ZRANB3: variants seen among roughly 807,000 people sequenced by gnomAD.
ZRANB3 encodes zinc finger RANBP2-type containing 3.
ZRANB3 carries 125 observed loss-of-function variants against 133.8 expected under a neutral mutation model. That is an observed-to-expected ratio of 0.93 (90% CI 0.81 to 1.08). The LOEUF is 1.08. ZRANB3 is among the 50% of genes least tolerant of loss of function. The pLI is 0.00. For synonymous variants in ZRANB3, 387 were observed against 432.7 expected (o/e 0.89, Z 1.31); for missense variants, 1,229 against 1,275.5 (o/e 0.96, Z 0.56).
chr2:135,270,880 G>A (rs1167009651), intron 10 of ZRANB3, among the ~76,000 whole-genome samples: 1 of 152,226 alleles, frequency 6.6e-6, no homozygotes, highest in Non-Finnish European at 1.5e-5. Flanking sequence ...ATTTTAGAAT[G>A]CTGGCAGAAA....
intron 8 of ZRANB3, among the ~76,000 whole-genome samples, chr2:135,280,747 TAAGAAAGAAAAAA>T (rs1215659896): frequency 6.6e-6 from 1 of 151,500 alleles, no homozygotes; most frequent in Non-Finnish European, 1.5e-5. Context: ...AAACAAATAA[TAAGAAAGAAAAAA>T]AAGAAAGACA....
At position 135,340,326 on chromosome 2, in the gene ZRANB3, G is replaced by A. The variant is rs113321571; in HGVS notation, c.677+5224C>T. Among the ~76,000 whole-genome samples, 453 of 151,914 alleles carry A rather than the reference G, an allele frequency of 3.0e-3. 3 individuals carry two copies. Among genetic ancestry groups the A allele is most frequent in the African/African-American group, 0.01 (421 of 41,460 alleles). ...TCACCATGTTGGCCAAACTGGTCTCGAACTCCTGACCTCAGGTGATCTACC... is the reference window on the plus strand; with the variant it reads ...TCACCATGTTGGCCAAACTGGTCTCAAACTCCTGACCTCAGGTGATCTACC... On this transcript the variant is annotated intron_variant, in intron 6 of 20. Coordinates refer to ENST00000264159, the MANE Select transcript of ZRANB3 (RefSeq NM_032143.4).
intron 2 of ZRANB3, among the ~76,000 whole-genome samples, chr2:135,498,560 T>C (rs1692787647): frequency 1.3e-5 from 2 of 152,114 alleles, no homozygotes; most frequent in Non-Finnish European, 2.9e-5. Flanking sequence ...GTGGGCACCT[T>C]GAAAAAAGAA....
chr2:135,396,383 T>A (rs1232715945), intron 2 of ZRANB3, among the ~76,000 whole-genome samples: 4 of 152,206 alleles, frequency 2.6e-5, no homozygotes, highest in African/African-American at 9.7e-5. Context: ...GCAGCACTAT[T>A]CACAATAGCC....
chr2:135,278,272 C>A (rs1680934735), intron 8 of ZRANB3, among the ~76,000 whole-genome samples: 1 of 152,108 alleles, frequency 6.6e-6, no homozygotes. Context: ...AATAACAATT[C>A]TGAATTGTAT....
intron 8 of ZRANB3, among the ~76,000 whole-genome samples, chr2:135,278,083 C>T (rs1041877017): frequency 3.9e-5 from 6 of 151,980 alleles, no homozygotes; most frequent in Non-Finnish European, 8.8e-5. Context: ...TTCTACATAA[C>T]TGAAGGGCAT....
intron 2 of ZRANB3, among the ~76,000 whole-genome samples, chr2:135,448,227 T>C (rs979085346): frequency 6.6e-6 from 1 of 152,242 alleles, no homozygotes; most frequent in Non-Finnish European, 1.5e-5. Flanking sequence ...TTATGATTCA[T>C]GATCTTTCCT....
chr2:135,250,417 A>G (rs886933330), intron 12 of ZRANB3, among the ~76,000 whole-genome samples: 1 of 152,242 alleles, frequency 6.6e-6, no homozygotes, highest in Non-Finnish European at 1.5e-5. Flanking sequence ...AGAAATTTGC[A>G]TAAGTAGCAA....
At chr2:135,323,942 T>C (rs1173213848) in intron 6 of ZRANB3, among the ~76,000 whole-genome samples, 1 of 152,054 alleles carries the variant, frequency 6.6e-6, no homozygotes, top group Admixed American at 6.6e-5. Context: ...CTAATTTTTA[T>C]ATTTTTAGTA....
intron 12 of ZRANB3, among the ~76,000 whole-genome samples, chr2:135,252,130 G>A (rs1679430166): frequency 1.3e-5 from 2 of 152,126 alleles, no homozygotes; most frequent in Non-Finnish European, 2.9e-5. Flanking sequence ...AATACAAAAT[G>A]GGAGCTAAAT....
chr2:135,485,158 C>T (rs1437938530), intron 2 of ZRANB3, among the ~76,000 whole-genome samples: 1 of 141,998 alleles, frequency 7.0e-6, no homozygotes, highest in African/African-American at 3.0e-5. Context: ...CAAAACAAAA[C>T]AAAACAAAAC....
At chr2:135,319,989 C>T (rs1683442308) in intron 6 of ZRANB3, among the ~76,000 whole-genome samples, 1 of 152,142 alleles carries the variant, frequency 6.6e-6, no homozygotes, top group Admixed American at 6.5e-5. Context: ...AGTGCCAAAA[C>T]TCCCTCCTAG....
intron 12 of ZRANB3, among the ~76,000 whole-genome samples, chr2:135,258,732 T>C (rs1026349250): frequency 6.6e-6 from 1 of 152,118 alleles, no homozygotes; most frequent in Non-Finnish European, 1.5e-5. Context: ...TCCTAAAATA[T>C]ATATTAAATA....
chr2:135,357,168 C>T (rs1244934573), intron 3 of ZRANB3, among the ~76,000 whole-genome samples: 2 of 151,896 alleles, frequency 1.3e-5, no homozygotes, highest in African/African-American at 4.8e-5. Context: ...ATGATCTTGG[C>T]TCACTGCAAC....
At chr2:135,232,961 G>A (rs1695104270) in intron 12 of ZRANB3, among the ~76,000 whole-genome samples, 1 of 152,240 alleles carries the variant, frequency 6.6e-6, no homozygotes. Context: ...TTGACAAGGT[G>A]AGAGAAGAAG....
chr2:135,518,105 C>A (rs887803355), intron 1 of ZRANB3, among the ~76,000 whole-genome samples: 8 of 152,112 alleles, frequency 5.3e-5, no homozygotes, highest in Non-Finnish European at 1.0e-4. Flanking sequence ...AAATGCCCCT[C>A]CCCCTACCAA....
chr2:135,406,217 TC>T (rs1688017977), intron 2 of ZRANB3, among the ~76,000 whole-genome samples: 2 of 151,596 alleles, frequency 1.3e-5, no homozygotes, highest in African/African-American at 4.9e-5. Flanking sequence ...AACTAGAAAA[TC>T]TAGAAGAAAT....
At chr2:135,427,096 A>C (rs1689128683) in intron 2 of ZRANB3, among the ~76,000 whole-genome samples, 1 of 151,448 alleles carries the variant, frequency 6.6e-6, no homozygotes, top group African/African-American at 2.4e-5. Context: ...CAACAAACCC[A>C]CAGCCAACAT....
At chr2:135,288,744 T>C (rs1681524231) in intron 8 of ZRANB3, among the ~76,000 whole-genome samples, 1 of 152,158 alleles carries the variant, frequency 6.6e-6, no homozygotes, top group South Asian at 2.1e-4. Flanking sequence ...GTGGTATTGG[T>C]TGTAGTATCT....
Sources: gnomAD v4.1 joint callset for allele counts (sites outside exome capture counted in the v4.1 genomes callset) on GRCh38, gnomAD v4.1.1 for gene constraint, MANE v1.5 for transcripts, NCBI Gene and HGNC (gene_info 2026-07-23, HGNC 2026-07-21) for gene names.